ERI3: variants seen among roughly 807,000 people sequenced by gnomAD.
ERI3 encodes ERI1 exoribonuclease family member 3.
A neutral mutation model predicts 44.4 loss-of-function variants in ERI3; 18 were observed. The observed-to-expected ratio is 0.41, with a 90% CI of 0.28 to 0.60. ERI3 has a LOEUF of 0.60. Among genes scored for constraint, ERI3 ranks in the 20% least tolerant of loss-of-function variants. The pLI is 0.36. For missense variants in ERI3, 294 were observed against 435.5 expected (o/e 0.68, Z 2.89); for synonymous variants, 183 against 164.8 (o/e 1.11, Z -0.84).
At chr1:44,299,329 T>A (rs946739576) in intron 6 of ERI3, among the ~76,000 whole-genome samples, 6 of 152,116 alleles carry the variant, frequency 3.9e-5, no homozygotes, top group Admixed American at 2.0e-4. Context: ...ATTATAGGCA[T>A]GTGCCACCAC....
intron 2 of ERI3, among the ~76,000 whole-genome samples, chr1:44,345,011 T>TTC (rs1288341201): frequency 2.6e-5 from 4 of 152,200 alleles, no homozygotes; most frequent in African/African-American, 9.6e-5. Context: ...ATGGCTCCTC[T>TTC]GCAGCCATTA....
intron 2 of ERI3, among the ~76,000 whole-genome samples, chr1:44,341,685 G>A (rs897004825): frequency 2.6e-5 from 4 of 152,114 alleles, no homozygotes; most frequent in Non-Finnish European, 5.9e-5. Flanking sequence ...CCAGGAGTTC[G>A]AAACCAGCCT....
At position 44,232,782 on chromosome 1, in the gene ERI3, G is replaced by A. The variant is rs529449784; in HGVS notation, c.932-11142C>T. Among the ~76,000 whole-genome samples, 3 of 152,304 alleles carry A rather than the reference G, an allele frequency of 2.0e-5. No homozygotes were observed. In the South Asian group the frequency reaches 6.2e-4, roughly 32 times the overall value. ...TTCACCGGCCAGAGCTCAGAGACAT[G>A]GCTGTACCTAGCTGTCTGGAAAACT... On this transcript the variant is annotated intron_variant, in intron 8 of 8. Transcript: ENST00000372257.
At chr1:44,296,266 C>T (rs1292603361) in intron 6 of ERI3, among the ~76,000 whole-genome samples, 1 of 152,186 alleles carries the variant, frequency 6.6e-6, no homozygotes, top group Non-Finnish European at 1.5e-5. Flanking sequence ...GGTTCAGAAG[C>T]TATTTAACTG....
Position 44,221,202 on chromosome 1 carries a change from T to C in ERI3, c.*356A>G. 1 of 337,638 alleles carries C rather than the reference T, an allele frequency of 3.0e-6. No homozygotes were observed. The highest frequency in any genetic ancestry group is 5.6e-6 in the Non-Finnish European group (1 of 179,508). 20.9% of individuals were successfully genotyped at this position (337,638 alleles called of 1,614,324 possible). On this transcript the variant is annotated 3_prime_UTR_variant, in exon 9 of 9. Transcript: ENST00000372257. The surrounding 1 kb of genome is among the most constrained non-coding windows in gnomAD (Gnocchi z 5.9). Reference sequence around the variant, plus strand: ...CCTGGGGGCACCACACACCATGCACTATGGATGGGAGGGGGCACAGGAGGG... The same window carrying C: ...CCTGGGGGCACCACACACCATGCACCATGGATGGGAGGGGGCACAGGAGGG...
intron 7 of ERI3, among the ~76,000 whole-genome samples, chr1:44,253,961 A>G (rs562478312): frequency 6.6e-6 from 1 of 152,234 alleles, no homozygotes; most frequent in South Asian, 2.1e-4. Flanking sequence ...GGATAATACA[A>G]TATTTGTTGT....
At chr1:44,337,232 A>G (rs987176711) in intron 3 of ERI3, among the ~76,000 whole-genome samples, 3 of 152,248 alleles carry the variant, frequency 2.0e-5, no homozygotes, top group Non-Finnish European at 4.4e-5. Context: ...AGTAAATGCC[A>G]TAACAGAGGT....
chr1:44,310,638 T>C (rs1157132902), intron 5 of ERI3, among the ~76,000 whole-genome samples: 3 of 152,140 alleles, frequency 2.0e-5, no homozygotes, highest in African/African-American at 4.8e-5. Flanking sequence ...TAAGTAAGAT[T>C]ACTTCTAGCA....
intron 7 of ERI3, among the ~76,000 whole-genome samples, chr1:44,253,121 A>G (rs1167052454): frequency 6.6e-6 from 1 of 152,134 alleles, no homozygotes; most frequent in Non-Finnish European, 1.5e-5. Flanking sequence ...CACAAATACT[A>G]CCTAACTCTC....
At chr1:44,346,017 T>C (rs1646776077) in intron 2 of ERI3, among the ~76,000 whole-genome samples, 1 of 152,204 alleles carries the variant, frequency 6.6e-6, no homozygotes, top group Non-Finnish European at 1.5e-5. Context: ...GTCTAGTTTG[T>C]TGAAGGCTAG....
intron 6 of ERI3, among the ~76,000 whole-genome samples, chr1:44,302,652 A>G (rs747571733): frequency 6.6e-6 from 1 of 152,160 alleles, no homozygotes; most frequent in African/African-American, 2.4e-5. Context: ...TATCAAATGA[A>G]CTTAACAGTC....
At chr1:44,248,123 A>C in intron 7 of ERI3, 85 bp from the exon 8 acceptor site, 9 of 815,998 alleles carry the variant, frequency 1.1e-5, no homozygotes, top group Non-Finnish European at 1.5e-5. Flanking sequence ...CACCCCCCAA[A>C]TCTTTCCAAC....
intron 1 of ERI3, 120 bp from the exon 2 acceptor site, chr1:44,353,045 C>G (rs2154332652): frequency 2.0e-6 from 3 of 1,535,656 alleles, no homozygotes; most frequent in Non-Finnish European, 2.6e-6. Flanking sequence ...TATCTATGTG[C>G]AAAGACAGTG....
chr1:44,270,257 A>T (rs1645063757), intron 7 of ERI3, among the ~76,000 whole-genome samples: 1 of 152,210 alleles, frequency 6.6e-6, no homozygotes, highest in East Asian at 1.9e-4. Context: ...ACCACACCCC[A>T]TCTTTCTCCC....
chr1:44,229,986 G>A (rs114394095), intron 8 of ERI3, among the ~76,000 whole-genome samples: 2,249 of 152,148 alleles, frequency 0.015, 51 homozygotes, highest in African/African-American at 0.051. Context: ...GACCACTCAC[G>A]CGACTCCCAT....
At chr1:44,229,298 G>A (rs923786912) in intron 8 of ERI3, among the ~76,000 whole-genome samples, 5 of 152,198 alleles carry the variant, frequency 3.3e-5, no homozygotes, top group African/African-American at 1.2e-4. Flanking sequence ...TATAGTGCTG[G>A]GTTTTTGTTC....
intron 6 of ERI3, among the ~76,000 whole-genome samples, chr1:44,304,850 C>T (rs4660786): frequency 0.033 from 5,067 of 152,246 alleles, 109 homozygotes; most frequent in Middle Eastern, 0.048. Flanking sequence ...ATGTAGTATG[C>T]ACACCCCAGC....
At chr1:44,324,921 T>C (rs1238068187) in intron 3 of ERI3, among the ~76,000 whole-genome samples, 1 of 152,132 alleles carries the variant, frequency 6.6e-6, no homozygotes, top group Non-Finnish European at 1.5e-5. Flanking sequence ...TTTTCAAATA[T>C]CCAAGGTTCC....
At chr1:44,278,630 TCC>T (rs1465790713) in intron 7 of ERI3, among the ~76,000 whole-genome samples, 1 of 152,236 alleles carries the variant, frequency 6.6e-6, no homozygotes, top group African/African-American at 2.4e-5. Context: ...GGAGTCTCGC[TCC>T]GTTGCCTAGC....
Sources: gnomAD v4.1 joint callset for allele counts (sites outside exome capture counted in the v4.1 genomes callset) on GRCh38, gnomAD v4.1.1 for gene constraint, Gnocchi (gnomAD v3.1) non-coding constraint, MANE v1.5 for transcripts, NCBI Gene and HGNC (gene_info 2026-07-23, HGNC 2026-07-21) for gene names.